KIZ: variants seen among roughly 807,000 people sequenced by gnomAD.
KIZ encodes the protein kizuna centrosomal protein.
KIZ carries 68 observed loss-of-function variants against 79.6 expected under a neutral mutation model. That is an observed-to-expected ratio of 0.85 (90% CI 0.70 to 1.05). KIZ has a LOEUF of 1.05. Ranked by LOEUF, KIZ falls within the 50% of genes least tolerant of loss-of-function variation. The pLI is 0.00. For missense variants in KIZ, 797 were observed against 800.4 expected (o/e 1.00, Z 0.05); for synonymous variants, 280 against 281.8 (o/e 0.99, Z 0.06).
At chr20:21,244,182 A>T in intron 11 of KIZ, 63 bp from the exon 12 acceptor site, 1 of 1,166,504 alleles carries the variant, frequency 8.6e-7, no homozygotes, top group Non-Finnish European at 1.3e-6. Flanking sequence ...TGCGTTCATT[A>T]TGAAAATATT....
At chr20:21,240,818 C>T (rs1030748189) in intron 11 of KIZ, among the ~76,000 whole-genome samples, 4 of 152,216 alleles carry the variant, frequency 2.6e-5, no homozygotes, top group African/African-American at 9.6e-5. Flanking sequence ...ATTTCCGTGT[C>T]TATACGTGAA....
intron 6 of KIZ, among the ~76,000 whole-genome samples, chr20:21,192,946 TA>T (rs1341949288): frequency 6.6e-6 from 1 of 152,152 alleles, no homozygotes; most frequent in Non-Finnish European, 1.5e-5. Flanking sequence ...GTTGAGTTAA[TA>T]AAAATTCAGA....
chr20:21,212,971 G>A (rs2036131428), intron 7 of KIZ, among the ~76,000 whole-genome samples: 1 of 152,174 alleles, frequency 6.6e-6, no homozygotes, highest in African/African-American at 2.4e-5. Flanking sequence ...CTAGTTTCTA[G>A]AAATAGAGGA....
At chr20:21,143,588 G>A (rs1271505529) in intron 3 of KIZ, among the ~76,000 whole-genome samples, 1 of 152,190 alleles carries the variant, frequency 6.6e-6, no homozygotes. Context: ...TAAATGGAAA[G>A]GTTCTGCTAA....
intron 10 of KIZ, 27 bp downstream of exon 10, chr20:21,229,142 A>AG: frequency 7.5e-7 from 1 of 1,334,320 alleles, no homozygotes; most frequent in South Asian, 1.2e-5. Context: ...GGCAGTGTCC[A>AG]GGGGCCCAGA....
At chr20:21,156,943 AT>A (rs2033414735) in intron 4 of KIZ, among the ~76,000 whole-genome samples, 1 of 152,132 alleles carries the variant, frequency 6.6e-6, no homozygotes, top group African/African-American at 2.4e-5. Context: ...TATTTTTGCA[AT>A]GTTTCTGTAA....
At chr20:21,238,423 A>G (rs146284853) in intron 11 of KIZ, among the ~76,000 whole-genome samples, 15 of 152,030 alleles carry the variant, frequency 9.9e-5, no homozygotes, top group African/African-American at 3.6e-4. Context: ...GTGTGGACAC[A>G]TACATTTTCA....
At chr20:21,211,579 C>G (rs1201750549) in intron 7 of KIZ, among the ~76,000 whole-genome samples, 1 of 152,130 alleles carries the variant, frequency 6.6e-6, no homozygotes, top group Non-Finnish European at 1.5e-5. Flanking sequence ...GCATTTTTTT[C>G]AGAGAATTAG....
At chr20:21,238,194 T>C (rs2037087715) in intron 11 of KIZ, among the ~76,000 whole-genome samples, 1 of 151,932 alleles carries the variant, frequency 6.6e-6, no homozygotes, top group Non-Finnish European at 1.5e-5. Flanking sequence ...CATGGATATA[T>C]AGCTCCACCA....
intron 11 of KIZ, among the ~76,000 whole-genome samples, chr20:21,243,816 C>T (rs992581774): frequency 5.9e-5 from 9 of 152,184 alleles, no homozygotes; most frequent in Admixed American, 5.9e-4. Context: ...AACTTCCTTA[C>T]CAACATCTTG....
chr20:21,159,962 A>G (rs1340997262), intron 4 of KIZ, among the ~76,000 whole-genome samples: 1 of 152,188 alleles, frequency 6.6e-6, no homozygotes, highest in East Asian at 1.9e-4. Context: ...ACCGTTTTAT[A>G]TTCCCATCAG....
intron 6 of KIZ, among the ~76,000 whole-genome samples, chr20:21,170,413 G>A (rs2034150324): frequency 6.7e-6 from 1 of 148,566 alleles, no homozygotes; most frequent in African/African-American, 2.5e-5. Flanking sequence ...TTTTGAGACG[G>A]AGTCTCTCTC....
Position 21,163,165 on chromosome 20 carries a change from C to T in KIZ, c.1352+6C>T. 1 of 1,583,966 alleles carries T rather than the reference C, an allele frequency of 6.3e-7. No individual in the cohort carries two copies. The highest frequency in any genetic ancestry group is 1.2e-5 in the South Asian group (1 of 86,654). Reference sequence around the variant, plus strand: ...ACTAACGCACCAACAAGAGAGTAAGCCATTCAATTTTTTTTTTCTACTGTT... The same window carrying T: ...ACTAACGCACCAACAAGAGAGTAAGTCATTCAATTTTTTTTTTCTACTGTT... On this transcript the variant is annotated splice_donor_region_variant and intron_variant, in intron 6 of 12. Transcript: ENST00000619189.
chr20:21,210,657 T>C (rs1026263270), intron 7 of KIZ, among the ~76,000 whole-genome samples: 1 of 152,186 alleles, frequency 6.6e-6, no homozygotes, highest in African/African-American at 2.4e-5. Flanking sequence ...CTTTCAGGCT[T>C]TTGCTATGCA....
At chr20:21,201,318 T>G (rs1490675260) in intron 6 of KIZ, among the ~76,000 whole-genome samples, 1 of 152,242 alleles carries the variant, frequency 6.6e-6, no homozygotes, top group African/African-American at 2.4e-5. Context: ...CTCATTATTG[T>G]CTTCTGGAAA....
intron 6 of KIZ, among the ~76,000 whole-genome samples, chr20:21,205,251 C>T (rs376468579): frequency 1.7e-4 from 26 of 152,264 alleles, no homozygotes; most frequent in African/African-American, 6.0e-4. Context: ...TTGTGCAGAG[C>T]TCCCCAGGTT....
intron 9 of KIZ, among the ~76,000 whole-genome samples, chr20:21,228,580 C>T (rs562463862): frequency 5.2e-4 from 79 of 152,270 alleles, no homozygotes; most frequent in African/African-American, 1.8e-3. Context: ...TCCCCATTCC[C>T]CCAGCCCTGT....
At chr20:21,150,226 G>A (rs1440962844) in intron 4 of KIZ, among the ~76,000 whole-genome samples, 1 of 152,226 alleles carries the variant, frequency 6.6e-6, no homozygotes, top group Non-Finnish European at 1.5e-5. Context: ...GCTTAGAGGA[G>A]GACACTGGGC....
chr20:21,154,886 A>G (rs2033299945), intron 4 of KIZ, among the ~76,000 whole-genome samples: 1 of 152,218 alleles, frequency 6.6e-6, no homozygotes, highest in South Asian at 2.1e-4. Flanking sequence ...TTAGAGCCTG[A>G]TCTCAGCAAA....
Sources: gnomAD v4.1 joint callset for allele counts (sites outside exome capture counted in the v4.1 genomes callset) on GRCh38, gnomAD v4.1.1 for gene constraint, MANE v1.5 for transcripts, NCBI Gene and HGNC (gene_info 2026-07-23, HGNC 2026-07-21) for gene names.